The following PCBP3 variants were observed in gnomAD, a reference collection of about 807,000 sequenced individuals.
PCBP3 encodes the protein poly(rC) binding protein 3.
A neutral mutation model predicts 52.7 loss-of-function variants in PCBP3; 25 were observed. The observed-to-expected ratio is 0.47, with a 90% CI of 0.35 to 0.66. The LOEUF (loss-of-function observed/expected upper bound fraction) is 0.66, where lower values mean the gene tolerates loss of function less well. Among genes scored for constraint, PCBP3 ranks in the 30% least tolerant of loss-of-function variants. PCBP3 has a pLI of 0.01. For missense variants in PCBP3, 391 were observed against 490.3 expected (o/e 0.80, Z 1.91); for synonymous variants, 162 against 183.0 (o/e 0.89, Z 0.93).
At chr21:45,812,827 T>A (rs945835684) in intron 4 of PCBP3, among the ~76,000 whole-genome samples, 1 of 152,228 alleles carries the variant, frequency 6.6e-6, no homozygotes, top group Non-Finnish European at 1.5e-5. Flanking sequence ...GTTTTGGGAT[T>A]TTTTGCCCAT....
Position 45,802,572 on chromosome 21 carries a change from G to A in PCBP3, c.-126+47120G>A, listed in dbSNP as rs184827959. On this transcript the variant is annotated intron_variant, in intron 4 of 17. Coordinates refer to ENST00000681687, the MANE Select transcript of PCBP3 (RefSeq NM_001384156.1). This position sits in a 1 kb window ranked among gnomAD's most constrained non-coding sequence, Gnocchi z 5.1. ...GAAGGGACAGGAGCCCCTGGGAGAC[G>A]TAAGAGATGGGGACAGGCTGACGGA... Among the ~76,000 whole-genome samples the A allele has an allele frequency of 5.9e-5, 9 of 152,302 alleles. No individual in the cohort carries two copies. The highest frequency in any genetic ancestry group is 1.0e-4 in the Non-Finnish European group (7 of 68,024).
intron 4 of PCBP3, among the ~76,000 whole-genome samples, chr21:45,783,853 G>A (rs1010333942): frequency 1.3e-5 from 2 of 152,214 alleles, no homozygotes; most frequent in Non-Finnish European, 2.9e-5. Flanking sequence ...CTCACCCTTG[G>A]GGAGCCATCA....
At chr21:45,652,443 T>G (rs1337336783) in intron 1 of PCBP3, among the ~76,000 whole-genome samples, 1 of 84,428 alleles carries the variant, frequency 1.2e-5, no homozygotes, top group Admixed American at 1.1e-4. Context: ...TTCTGATGGC[T>G]TTTTTTTTTT....
At chr21:45,697,135 G>T (rs1233496244) in intron 2 of PCBP3, among the ~76,000 whole-genome samples, 1 of 152,164 alleles carries the variant, frequency 6.6e-6, no homozygotes, top group Admixed American at 6.5e-5. Flanking sequence ...CTTCCTTCTG[G>T]ATATATGTGC....
intron 4 of PCBP3, among the ~76,000 whole-genome samples, chr21:45,841,284 T>C (rs960195627): frequency 6.6e-6 from 1 of 152,214 alleles, no homozygotes; most frequent in African/African-American, 2.4e-5. Flanking sequence ...TTTTTGTCTG[T>C]CATGTTCTCC....
chr21:45,860,679 G>A (rs539485478), intron 5 of PCBP3, among the ~76,000 whole-genome samples: 3 of 152,220 alleles, frequency 2.0e-5, no homozygotes, highest in South Asian at 2.1e-4. Context: ...GCGAGGCTGC[G>A]TGACAGCGCA....
At chr21:45,903,239 G>A (rs778894603) in intron 9 of PCBP3, among the ~76,000 whole-genome samples, 1 of 152,258 alleles carries the variant, frequency 6.6e-6, no homozygotes, top group South Asian at 2.1e-4. Context: ...AGCTTCAGTT[G>A]GGACCTGTTT....
intron 5 of PCBP3, among the ~76,000 whole-genome samples, chr21:45,894,485 C>T (rs188260853): frequency 2.0e-5 from 3 of 152,258 alleles, no homozygotes; most frequent in East Asian, 3.9e-4. Context: ...CTCAGGGTGC[C>T]CATGTGCACA....
rs80050250 is a variant in PCBP3, at chr21:45,801,985, G to A, written c.-126+46533G>A. Among the ~76,000 whole-genome samples, 873 of 152,212 alleles carry A rather than the reference G, an allele frequency of 5.7e-3. 8 individuals are homozygous for A. The highest frequency in any genetic ancestry group is 0.02 in the African/African-American group (831 of 41,530). ...CTCAGCGTCATCAGTGGAGCCGCTC[G>A]GTTGTCCTGTGACACTGACTGTCCC... On this transcript the variant is annotated intron_variant, in intron 4 of 17. Transcript: ENST00000681687.
chr21:45,723,044 T>C lies in PCBP3; in HGVS notation c.-199-12348T>C, dbSNP rs550752012. On this transcript the variant is annotated intron_variant, in intron 2 of 17. Coordinates refer to ENST00000681687, the MANE Select transcript of PCBP3 (RefSeq NM_001384156.1). ...AAAAAATGTATATAGGTAAATGTAATAATGAGAAAGTACTAGAAGAAAATA... is the reference window on the plus strand; with the variant it reads ...AAAAAATGTATATAGGTAAATGTAACAATGAGAAAGTACTAGAAGAAAATA... 2.0e-5 allele frequency among the ~76,000 whole-genome samples: 3 copies of C among 152,090 alleles called. No homozygotes were observed. The East Asian group carries it at 5.8e-4, about 29-fold the overall frequency.
At chr21:45,780,179 C>T (rs1006209365) in intron 4 of PCBP3, among the ~76,000 whole-genome samples, 1 of 152,200 alleles carries the variant, frequency 6.6e-6, no homozygotes, top group Non-Finnish European at 1.5e-5. Context: ...GTGAGGCGTT[C>T]TTTGTGACCG....
chr21:45,672,391 G>A (rs1265806682), intron 2 of PCBP3, among the ~76,000 whole-genome samples: 2 of 152,014 alleles, frequency 1.3e-5, no homozygotes, highest in Non-Finnish European at 2.9e-5. Context: ...CTTTCTTAGG[G>A]GTTAGGGGCT....
chr21:45,883,327 A>G (rs961128941), intron 5 of PCBP3, among the ~76,000 whole-genome samples: 11 of 152,172 alleles, frequency 7.2e-5, no homozygotes, highest in African/African-American at 2.4e-4. Flanking sequence ...CTATCCTGGT[A>G]TAGATTCTGT....
chr21:45,737,367 T>TA lies in PCBP3; in HGVS notation c.-162+1939dup, dbSNP rs1371539149. Among the ~76,000 whole-genome samples the TA allele has an allele frequency of 6.6e-6, 1 of 152,200 alleles. No individual in the cohort carries two copies. The highest frequency in any genetic ancestry group is 2.4e-5 in the African/African-American group (1 of 41,452). ...TGCCTTGGGGCCAACTTTGTAATCT[T>TA]ACAAATCTGGATCTAATTTTCACCA... is the stretch of plus-strand genomic sequence containing the variant. On this transcript the variant is annotated intron_variant, in intron 3 of 17. Transcript: ENST00000681687. The surrounding 1 kb of genome is among the most constrained non-coding windows in gnomAD (Gnocchi z 4.9).
chr21:45,909,380 GC>G lies in PCBP3; in HGVS notation c.368del (p.Pro123LeufsTer8). On this transcript the variant is annotated frameshift_variant, in exon 10 of 18. Coordinates refer to ENST00000681687, the MANE Select transcript of PCBP3 (RefSeq NM_001384156.1). LOFTEE classifies it high-confidence loss of function. ...EEDIINSMSN[S>X]PATSKPPVTL... is the part of the protein sequence containing the mutation. ...GATATCATCAACTCCATGAGCAACA[GC>G]CCTGCCACCAGCAAGCCCCCAGTGA... 1 of 1,613,070 alleles carries G rather than the reference GC, an allele frequency of 6.2e-7. No individual in the cohort carries two copies. The highest frequency in any genetic ancestry group is 8.5e-7 in the Non-Finnish European group (1 of 1,179,750).
chr21:45,826,797 ACT>A (rs763607768), intron 4 of PCBP3, among the ~76,000 whole-genome samples: 1 of 151,846 alleles, frequency 6.6e-6, no homozygotes, highest in Non-Finnish European at 1.5e-5. Flanking sequence ...ATTCTAACAA[ACT>A]CTGTTCTCTC....
intron 2 of PCBP3, among the ~76,000 whole-genome samples, chr21:45,699,683 G>T (rs373889935): frequency 6.6e-6 from 1 of 152,212 alleles, no homozygotes; most frequent in Admixed American, 6.5e-5. Context: ...AAGGTGAAAG[G>T]CATGTCTCAC....
At chr21:45,852,197 A>T (rs987107737) in intron 5 of PCBP3, among the ~76,000 whole-genome samples, 1 of 152,260 alleles carries the variant, frequency 6.6e-6, no homozygotes, top group African/African-American at 2.4e-5. Flanking sequence ...GCAACATCAT[A>T]CTGTATCCTG....
chr21:45,734,104 AT>A (rs1285473684), intron 2 of PCBP3, among the ~76,000 whole-genome samples: 1 of 152,172 alleles, frequency 6.6e-6, no homozygotes, highest in Non-Finnish European at 1.5e-5. Flanking sequence ...GAAAGTTCAG[AT>A]TTTTTGGCAG....
Sources: allele counts gnomAD v4.1 joint callset (sites outside exome capture counted in the v4.1 genomes callset), GRCh38; gene constraint gnomAD v4.1.1; non-coding constraint Gnocchi (gnomAD v3.1); transcripts MANE v1.5; gene names NCBI Gene and HGNC (gene_info 2026-07-23, HGNC 2026-07-21).